VIPR2: variants seen among roughly 807,000 people sequenced by gnomAD.
VIPR2 encodes vasoactive intestinal polypeptide receptor 2.
A neutral mutation model predicts 58.0 loss-of-function variants in VIPR2; 48 were observed. That is an observed-to-expected ratio of 0.83 (90% CI 0.66 to 1.05). The LOEUF is 1.05. VIPR2 is among the 50% of genes least tolerant of loss of function. The probability of loss-of-function intolerance (pLI) is 0.00; values close to 1 mark genes in which losing one functional copy is unlikely to be tolerated. For missense variants in VIPR2, 534 were observed against 558.0 expected (o/e 0.96, Z 0.43); for synonymous variants, 243 against 235.2 (o/e 1.03, Z -0.30).
intron 4 of VIPR2, among the ~76,000 whole-genome samples, chr7:159,061,161 T>C (rs1032210733): frequency 2.6e-5 from 4 of 151,710 alleles, no homozygotes; most frequent in Non-Finnish European, 5.9e-5. Context: ...TTCTCGTAAG[T>C]GGGAGCAAAA....
intron 4 of VIPR2, among the ~76,000 whole-genome samples, chr7:159,079,845 G>A (rs143096157): frequency 0.087 from 13,194 of 152,166 alleles, 632 homozygotes; most frequent in Middle Eastern, 0.14. Context: ...ACACCGCTAC[G>A]CAAATAAACT....
At chr7:159,108,994 C>T (rs1260127260) in intron 3 of VIPR2, among the ~76,000 whole-genome samples, 1 of 152,214 alleles carries the variant, frequency 6.6e-6, no homozygotes, top group Non-Finnish European at 1.5e-5. Context: ...ATCTCCTTCT[C>T]CTCTGTCCCA....
chr7:159,097,042 G>A lies in VIPR2; in HGVS notation c.357+6715C>T. On this transcript the variant is annotated intron_variant, in intron 4 of 12. Coordinates refer to ENST00000262178, the MANE Select transcript of VIPR2 (RefSeq NM_003382.5). This position sits in a 1 kb window ranked among gnomAD's most constrained non-coding sequence, Gnocchi z 5.3. ...TGATTTGGGGCAGGCCGCTCTGGGG[G>A]TCTCTGGCAGGCTCCTCCTGGCACC... The A allele has an allele frequency of 6.5e-7, 1 of 1,549,336 alleles. No individual in the cohort carries two copies. Among genetic ancestry groups the A allele is most frequent in the African/African-American group, 1.4e-5 (1 of 73,162 alleles).
chr7:159,041,354 G>A (rs1349468666), intron 6 of VIPR2, among the ~76,000 whole-genome samples: 1 of 152,218 alleles, frequency 6.6e-6, no homozygotes, highest in African/African-American at 2.4e-5. Flanking sequence ...ACCCAGTCCC[G>A]AGGGCCACCA....
Position 159,142,797 on chromosome 7 carries a change from A to G in VIPR2, c.52-252T>C, listed in dbSNP as rs561088970. Among the ~76,000 whole-genome samples, 32 of 152,324 alleles carry G rather than the reference A, an allele frequency of 2.1e-4. No homozygotes were observed. In the Middle Eastern group the frequency reaches 0.01, roughly 49 times the overall value. ...TCTGAGCAGGAAAATGAACTTACTA[A>G]CAGAATACATCGGTACTAATTTGGA... On this transcript the variant is annotated intron_variant, in intron 1 of 12. Transcript: ENST00000262178.
intron 4 of VIPR2, among the ~76,000 whole-genome samples, chr7:159,101,757 G>T (rs529954782): frequency 1.9e-4 from 27 of 142,794 alleles, no homozygotes; most frequent in African/African-American, 6.8e-4. Context: ...CGACGAGGCG[G>T]TTCCGACTGT....
intron 6 of VIPR2, among the ~76,000 whole-genome samples, chr7:159,040,616 G>T (rs945942546): frequency 6.6e-6 from 1 of 152,196 alleles, no homozygotes; most frequent in Non-Finnish European, 1.5e-5. Flanking sequence ...ATGAGAAAAA[G>T]ACCCTGCACC....
intron 2 of VIPR2, among the ~76,000 whole-genome samples, chr7:159,114,654 C>G (rs1796167175): frequency 6.6e-6 from 1 of 151,938 alleles, no homozygotes; most frequent in African/African-American, 2.4e-5. Flanking sequence ...AAATAGCAAG[C>G]ATTAAGCCAG....
chr7:159,131,685 T>G (rs1455683528), intron 2 of VIPR2, among the ~76,000 whole-genome samples: 4 of 152,180 alleles, frequency 2.6e-5, no homozygotes, highest in African/African-American at 4.8e-5. Flanking sequence ...AAGACTGGCT[T>G]AATAAACCTC....
At chr7:159,059,421 G>A (rs1855506389) in intron 4 of VIPR2, 1 of 459,956 alleles carries the variant, frequency 2.2e-6, no homozygotes, top group South Asian at 1.6e-5. Flanking sequence ...TTTGTCAAGA[G>A]GCCCTAAGTC....
intron 6 of VIPR2, among the ~76,000 whole-genome samples, chr7:159,040,136 G>A (rs1319556135): frequency 6.6e-6 from 1 of 152,222 alleles, no homozygotes; most frequent in Non-Finnish European, 1.5e-5. Context: ...AGGGAGGTCT[G>A]GGGAATGACA....
intron 2 of VIPR2, chr7:159,117,335 A>G (rs1428384200): frequency 9.8e-6 from 7 of 717,392 alleles, no homozygotes; most frequent in Admixed American, 2.0e-5. Context: ...CATGGAGCCA[A>G]TGGGTAGGTA....
chr7:159,096,956 C>A lies in VIPR2; in HGVS notation c.357+6801G>T. 1 of 1,550,662 alleles carries A rather than the reference C, an allele frequency of 6.4e-7. No individual in the cohort carries two copies. Among genetic ancestry groups the A allele is most frequent in the South Asian group, 1.2e-5 (1 of 84,054 alleles). On this transcript the variant is annotated intron_variant, in intron 4 of 12. Coordinates refer to ENST00000262178, the MANE Select transcript of VIPR2 (RefSeq NM_003382.5). The surrounding 1 kb of genome is among the most constrained non-coding windows in gnomAD (Gnocchi z 5.5). ...CTCGTGGCTGGCATTGAGCTTGGCA[C>A]CTGCTGGGCCTGAGGACCATGAGGG...
intron 4 of VIPR2, among the ~76,000 whole-genome samples, chr7:159,086,571 C>T (rs1303053760): frequency 6.6e-6 from 1 of 152,258 alleles, no homozygotes; most frequent in East Asian, 1.9e-4. Flanking sequence ...GAGAGACAAG[C>T]TCTCAACCCG....
chr7:159,111,033 G>A (rs1252797056), intron 2 of VIPR2, among the ~76,000 whole-genome samples: 1 of 152,140 alleles, frequency 6.6e-6, no homozygotes, highest in Admixed American at 6.5e-5. Flanking sequence ...CTTTTAAAAT[G>A]TTCAAAACAA....
Position 159,030,466 on chromosome 7 carries a change from G to A in VIPR2, c.*150C>T. On this transcript the variant is annotated 3_prime_UTR_variant, in exon 13 of 13. Transcript: ENST00000262178. The stretch of plus-strand genomic sequence containing the variant: ...ACACGACTCCAATTCCAGGTATGGG[G>A]TTTAGTGGACAACCAGCTTGACGGA... 2 of 898,382 alleles carry A rather than the reference G, an allele frequency of 2.2e-6. No homozygotes were observed. The highest frequency in any genetic ancestry group is 1.6e-6 in the Non-Finnish European group (1 of 627,984). 55.7% of individuals were successfully genotyped at this position (898,382 alleles called of 1,614,324 possible).
intron 2 of VIPR2, among the ~76,000 whole-genome samples, chr7:159,119,479 G>A (rs1275296093): frequency 1.3e-5 from 2 of 152,314 alleles, no homozygotes; most frequent in African/African-American, 4.8e-5. Context: ...GAGCCCAGAC[G>A]CAGATGCCCA....
At chr7:159,073,756 T>C (rs1365128958) in intron 4 of VIPR2, among the ~76,000 whole-genome samples, 2 of 152,168 alleles carry the variant, frequency 1.3e-5, no homozygotes, top group Non-Finnish European at 2.9e-5. Context: ...TTAGGTCTCA[T>C]TAGAACAATT....
chr7:159,071,804 AAG>A (rs1856410839), intron 4 of VIPR2, among the ~76,000 whole-genome samples: 1 of 152,092 alleles, frequency 6.6e-6, no homozygotes, highest in Non-Finnish European at 1.5e-5. Context: ...ACCGGCAGGT[AAG>A]AAAACACACA....
Sources: allele counts gnomAD v4.1 joint callset (sites outside exome capture counted in the v4.1 genomes callset), GRCh38; gene constraint gnomAD v4.1.1; non-coding constraint Gnocchi (gnomAD v3.1); transcripts MANE v1.5; gene names NCBI Gene and HGNC (gene_info 2026-07-23, HGNC 2026-07-21).